Variants in TTBK2 observed in about 807,000 individuals in gnomAD.
The protein encoded by TTBK2 is tau tubulin kinase 2.
Under a neutral mutation model 110.8 loss-of-function variants are expected in TTBK2, and 28 were observed. The observed-to-expected ratio is 0.25, with a 90% CI of 0.19 to 0.35. The LOEUF is 0.35. Among genes scored for constraint, TTBK2 ranks in the 10% least tolerant of loss-of-function variants. The pLI, the probability that TTBK2 is intolerant of heterozygous loss-of-function variation, is 1.00. For synonymous variants in TTBK2, 532 were observed against 527.3 expected (o/e 1.01, Z -0.12); for missense variants, 1,369 against 1,500.3 (o/e 0.91, Z 1.45).
At chr15:42,903,029 T>C (rs977251519) in intron 1 of TTBK2, among the ~76,000 whole-genome samples, 1 of 152,022 alleles carries the variant, frequency 6.6e-6, no homozygotes, top group African/African-American at 2.4e-5. Flanking sequence ...GGGAATTCTT[T>C]TTAATTTTTT....
intron 9 of TTBK2, chr15:42,801,995 ACATGTTGTC>A (rs1891233842): frequency 6.6e-7 from 1 of 1,525,602 alleles, no homozygotes; most frequent in African/African-American, 1.4e-5. Flanking sequence ...TAGCTCTCGA[ACATGTTGTC>A]CATGTTGCTC....
Position 42,803,787 on chromosome 15 carries a change from C to T in TTBK2, c.822+6827G>A, listed in dbSNP as rs569585781. Reference sequence around the variant, plus strand: ...GGCTCACATCTGTAATCCCAGCACTCTGGTAGGCCAAGGCGGGCCGATCAC... The same window carrying T: ...GGCTCACATCTGTAATCCCAGCACTTTGGTAGGCCAAGGCGGGCCGATCAC... On this transcript the variant is annotated intron_variant, in intron 9 of 14. Coordinates refer to ENST00000267890, the MANE Select transcript of TTBK2 (RefSeq NM_173500.4). Among the ~76,000 whole-genome samples, 5 of 152,094 alleles carry T rather than the reference C, an allele frequency of 3.3e-5. No homozygotes were observed. In the East Asian group the frequency reaches 9.7e-4, roughly 29 times the overall value.
intron 9 of TTBK2, among the ~76,000 whole-genome samples, chr15:42,810,254 G>A: frequency 6.6e-6 from 1 of 152,156 alleles, no homozygotes; most frequent in East Asian, 1.9e-4. Context: ...GCCCTTGACA[G>A]ATGCATTACC....
At chr15:42,886,164 G>T in intron 1 of TTBK2, among the ~76,000 whole-genome samples, 1 of 151,724 alleles carries the variant, frequency 6.6e-6, no homozygotes, top group African/African-American at 2.4e-5. Flanking sequence ...CTTTTCTACG[G>T]ACTCATCTGA....
rs1009753812 is a variant in TTBK2 at position 42,863,530 on chromosome 15, C to A, written c.217+9081G>T. Among the ~76,000 whole-genome samples, 7 of 152,022 alleles carry A rather than the reference C, an allele frequency of 4.6e-5. No homozygotes were observed. The East Asian group carries it at 1.2e-3, about 25-fold the overall frequency. On this transcript the variant is annotated intron_variant, in intron 3 of 14. Transcript: ENST00000267890. Reference sequence around the variant, plus strand: ...AGCAATTTGCAGATTCAACACTACTCCTATCAAACTACCAATGTCATTTTT... The same window carrying A: ...AGCAATTTGCAGATTCAACACTACTACTATCAAACTACCAATGTCATTTTT...
chr15:42,808,290 A>T (rs1436367467), intron 9 of TTBK2, among the ~76,000 whole-genome samples: 2 of 152,226 alleles, frequency 1.3e-5, no homozygotes, highest in African/African-American at 2.4e-5. Flanking sequence ...ATGGCAAGAT[A>T]TTCCAATTTT....
In TTBK2 at chr15:42,782,318, C is replaced by T. The variant is rs140014951; in HGVS notation, c.1197+1101G>A. On this transcript the variant is annotated intron_variant, in intron 11 of 14. Transcript: ENST00000267890. ...AACTCCTGACTTCAGGTGATCCGCC[C>T]ACCTTGGCCTCCCAAAGTGCTAGGA... 2.9e-3 allele frequency among the ~76,000 whole-genome samples: 447 copies of T among 152,302 alleles called. 1 individual carries two copies. Among genetic ancestry groups the T allele is most frequent in the African/African-American group, 0.01 (421 of 41,564 alleles).
At chr15:42,767,151 T>C (rs1358044054) in intron 13 of TTBK2, among the ~76,000 whole-genome samples, 9 of 152,168 alleles carry the variant, frequency 5.9e-5, no homozygotes, top group Non-Finnish European at 7.3e-5. Flanking sequence ...GAGGGAAATT[T>C]ATAGTACTAA....
chr15:42,778,065 A>G (rs1312504023), intron 11 of TTBK2, among the ~76,000 whole-genome samples: 2 of 152,152 alleles, frequency 1.3e-5, no homozygotes, highest in Non-Finnish European at 2.9e-5. Context: ...GCCTGCTACC[A>G]TGATTGACAC....
In TTBK2 at chr15:42,838,164, C is replaced by T. The variant is rs139819214; in HGVS notation, c.291+2196G>A. On this transcript the variant is annotated intron_variant, in intron 4 of 14. Coordinates refer to ENST00000267890, the MANE Select transcript of TTBK2 (RefSeq NM_173500.4). ...CGGAGGTTGCAGTGAGCCGAGATCG[C>T]GCCATTGCACTCAGCCTGGGTGATA... Among the ~76,000 whole-genome samples the T allele has an allele frequency of 3.9e-3, 589 of 152,032 alleles. 14 individuals carry two copies. The East Asian group carries it at 0.065, about 17-fold the overall frequency.
chr15:42,824,834 T>A lies in TTBK2; in HGVS notation c.537+3094A>T, dbSNP rs960783061. ...CCCTCATGGCATGAGTTTACCTATA[T>A]AACAAACTTGCACAGGTGCCCCAAA... On this transcript the variant is annotated intron_variant, in intron 6 of 14. Transcript: ENST00000267890. 2.6e-5 allele frequency among the ~76,000 whole-genome samples: 4 copies of A among 151,970 alleles called. No individual in the cohort carries two copies. In the South Asian group the frequency reaches 6.2e-4, roughly 24 times the overall value.
rs1335960599 is a variant in TTBK2 at position 42,740,300 on chromosome 15, C to T, written c.*5495G>A. 1 of 152,182 alleles carries T rather than the reference C, an allele frequency of 6.6e-6. No homozygotes were observed. Among genetic ancestry groups the T allele is most frequent in the African/African-American group, 2.4e-5 (1 of 41,440 alleles). The allele number at this position is 152,182 out of a possible 1,614,324, so 9.4% of individuals were successfully genotyped here. On this transcript the variant is annotated 3_prime_UTR_variant, in exon 15 of 15. Coordinates refer to ENST00000267890, the MANE Select transcript of TTBK2 (RefSeq NM_173500.4). ...ACTACTTTTACATGTTACCTTAAGA[C>T]CAAAGATCCAGCAAAGTCTAAGGAA...
Position 42,777,054 on chromosome 15 carries a change from G to T in TTBK2, c.1386C>A (p.Asp462Glu). 6.2e-7 allele frequency: 1 copy of T among 1,614,118 alleles called. No homozygotes were observed. Among genetic ancestry groups the T allele is most frequent in the East Asian group, 2.2e-5 (1 of 44,890 alleles). ...EKRLTLEPKP[D>E]TDKFLETCLE... The stretch of plus-strand genomic sequence containing the variant: ...ACCAGGTCTCAAGGAACTTGTCAGT[G>T]TCTGGCTTTGGCTCCAGGGTCAGAC... The change falls in exon 12 of 15, where the codon GAC (aspartate) becomes GAA (glutamate). Residue 462 changes from aspartate to glutamate, a missense_variant. Asp to Glu is a conservative substitution (Grantham distance 45). Around this residue, in one of 4 missense-constraint regions of TTBK2, gnomAD observed 1,097 missense variants for 1,114.7 expected, o/e 0.98. Transcript: ENST00000267890.
At chr15:42,756,963 C>G (rs950092780) in intron 13 of TTBK2, among the ~76,000 whole-genome samples, 1 of 152,076 alleles carries the variant, frequency 6.6e-6, no homozygotes, top group African/African-American at 2.4e-5. Context: ...TGAAAAGATT[C>G]TGAGCAATTA....
intron 1 of TTBK2, among the ~76,000 whole-genome samples, chr15:42,892,550 T>C (rs974001029): frequency 4.0e-5 from 6 of 151,136 alleles, no homozygotes; most frequent in African/African-American, 1.5e-4. Context: ...CCACAAAAAA[T>C]ATAAAAATTA....
In TTBK2 at chr15:42,743,897, G is replaced by GA. The variant is rs1420258927; in HGVS notation, c.*1897dup. On this transcript the variant is annotated 3_prime_UTR_variant, in exon 15 of 15. Coordinates refer to ENST00000267890, the MANE Select transcript of TTBK2 (RefSeq NM_173500.4). ...CCAAGTGTACATGAGGCACACAATA[G>GA]AAAAGGAATTTCGCCATCTGTGATC... 6.6e-6 allele frequency: 1 copy of GA among 152,094 alleles called. No individual in the cohort carries two copies. The highest frequency in any genetic ancestry group is 2.4e-5 in the African/African-American group (1 of 41,402). 9.4% of individuals were successfully genotyped at this position (152,094 alleles called of 1,614,324 possible).
intron 1 of TTBK2, among the ~76,000 whole-genome samples, chr15:42,903,999 G>A (rs758828730): frequency 1.3e-5 from 2 of 152,172 alleles, no homozygotes; most frequent in Non-Finnish European, 2.9e-5. Flanking sequence ...GCAAGGAACT[G>A]AGGCTCTCAA....
chr15:42,897,667 A>C (rs1895718150), intron 1 of TTBK2, among the ~76,000 whole-genome samples: 1 of 152,220 alleles, frequency 6.6e-6, no homozygotes, highest in South Asian at 2.1e-4. Flanking sequence ...TATTGAGAAC[A>C]TAAGATGTGT....
intron 6 of TTBK2, among the ~76,000 whole-genome samples, chr15:42,817,388 A>T (rs1181285831): frequency 6.6e-6 from 1 of 152,168 alleles, no homozygotes; most frequent in Non-Finnish European, 1.5e-5. Flanking sequence ...ATATTAGAAA[A>T]CATTAAATGC....
Sources: allele counts gnomAD v4.1 joint callset (sites outside exome capture counted in the v4.1 genomes callset), GRCh38; gene constraint gnomAD v4.1.1; regional missense constraint gnomAD v4.1.1; transcripts MANE v1.5; gene names NCBI Gene and HGNC (gene_info 2026-07-23, HGNC 2026-07-21).